Variants in SCHIP1 observed in about 807,000 individuals in gnomAD.
SCHIP1 encodes the protein schwannomin interacting protein 1.
Under a neutral mutation model 29.7 loss-of-function variants are expected in SCHIP1, and 8 were observed. The ratio of observed to expected loss-of-function variants is 0.27; its 90% confidence interval spans 0.16 to 0.49. The LOEUF (loss-of-function observed/expected upper bound fraction) is 0.49. Ranked by LOEUF, SCHIP1 falls within the 20% of genes least tolerant of loss-of-function variation. The pLI is 0.99. For synonymous variants in SCHIP1, 76 were observed against 94.9 expected (o/e 0.80, Z 1.16); for missense variants, 193 against 294.6 (o/e 0.66, Z 2.52).
At chr3:159,297,779 A>G in the SCHIP1 span, among the ~76,000 whole-genome samples, 2 of 152,188 alleles carry the variant, frequency 1.3e-5, no homozygotes, top group African/African-American at 4.8e-5. Context: ...CCCTGTACCT[A>G]GAATGATCTT....
the SCHIP1 span, among the ~76,000 whole-genome samples, chr3:159,543,295 G>C: frequency 6.7e-6 from 1 of 149,078 alleles, no homozygotes; most frequent in Non-Finnish European, 1.5e-5. Flanking sequence ...TGCCATGCTG[G>C]TGTGCTGCAC....
the SCHIP1 span, among the ~76,000 whole-genome samples, chr3:159,468,081 T>C: frequency 1.3e-5 from 2 of 152,160 alleles, no homozygotes; most frequent in African/African-American, 2.4e-5. Flanking sequence ...GAAAATTTGG[T>C]TTATTTGTCA....
the SCHIP1 span, among the ~76,000 whole-genome samples, chr3:159,401,685 A>G: frequency 0.016 from 2,480 of 152,310 alleles, 57 homozygotes; most frequent in African/African-American, 0.056. Flanking sequence ...TTATAGAAAC[A>G]TCTCCCCATT....
chr3:159,599,309 T>A, the SCHIP1 span, among the ~76,000 whole-genome samples: 1 of 152,224 alleles, frequency 6.6e-6, no homozygotes, highest in Non-Finnish European at 1.5e-5. Context: ...TTTGGTTACA[T>A]GAATAAGTTC....
At chr3:159,468,512 A>G in the SCHIP1 span, among the ~76,000 whole-genome samples, 1 of 151,858 alleles carries the variant, frequency 6.6e-6, no homozygotes, top group Non-Finnish European at 1.5e-5. Context: ...TATTTGTGTC[A>G]CTAGTTAGAT....
At chr3:159,508,443 G>C in the SCHIP1 span, among the ~76,000 whole-genome samples, 1 of 152,222 alleles carries the variant, frequency 6.6e-6, no homozygotes, top group East Asian at 1.9e-4. Flanking sequence ...ATTTTTTGAA[G>C]GGTTTTTTGG....
the SCHIP1 span, among the ~76,000 whole-genome samples, chr3:159,733,110 G>A: frequency 1.3e-5 from 2 of 152,116 alleles, no homozygotes; most frequent in Non-Finnish European, 2.9e-5. Flanking sequence ...GATTTTCTGT[G>A]TCATCCACAG....
chr3:159,344,494 A>G, the SCHIP1 span, among the ~76,000 whole-genome samples: 1 of 152,202 alleles, frequency 6.6e-6, no homozygotes, highest in Admixed American at 6.5e-5. Context: ...AACATGATGA[A>G]CAAAGTGGCA....
the SCHIP1 span, among the ~76,000 whole-genome samples, chr3:159,277,446 T>G: frequency 6.6e-6 from 1 of 152,070 alleles, no homozygotes; most frequent in African/African-American, 2.4e-5. Context: ...GACTTTAGTA[T>G]GGCTTGGAAG....
chr3:159,685,232 G>T, the SCHIP1 span, among the ~76,000 whole-genome samples: 1 of 152,124 alleles, frequency 6.6e-6, no homozygotes, highest in Non-Finnish European at 1.5e-5. Flanking sequence ...ACAATAGGAA[G>T]TTGTTCTCCT....
At chr3:159,505,860 C>G in the SCHIP1 span, among the ~76,000 whole-genome samples, 1 of 152,162 alleles carries the variant, frequency 6.6e-6, no homozygotes, top group Non-Finnish European at 1.5e-5. Context: ...TTTTCTTAAT[C>G]CAGTCTATCA....
At chr3:159,430,297 C>T in the SCHIP1 span, among the ~76,000 whole-genome samples, 4 of 152,038 alleles carry the variant, frequency 2.6e-5, no homozygotes, top group Admixed American at 6.6e-5. Flanking sequence ...AAAGCCTAGG[C>T]ATGTGGAAAA....
the SCHIP1 span, among the ~76,000 whole-genome samples, chr3:159,480,304 A>T: frequency 6.6e-6 from 1 of 152,134 alleles, no homozygotes; most frequent in Non-Finnish European, 1.5e-5. Flanking sequence ...CACTATTCTC[A>T]CAAGTTTTTA....
At chr3:159,618,736 GA>G in the SCHIP1 span, among the ~76,000 whole-genome samples, 8,985 of 152,310 alleles carry the variant, frequency 0.059, 903 homozygotes, top group African/African-American at 0.2. Context: ...TAGAGTTGGG[GA>G]AACTGTGGCC....
the SCHIP1 span, among the ~76,000 whole-genome samples, chr3:159,568,004 A>T: frequency 1.3e-5 from 2 of 152,062 alleles, no homozygotes; most frequent in Non-Finnish European, 2.9e-5. Flanking sequence ...TTTACCATAC[A>T]CTTCATGTAC....
At chr3:159,458,540 C>G in the SCHIP1 span, among the ~76,000 whole-genome samples, 1 of 151,476 alleles carries the variant, frequency 6.6e-6, no homozygotes, top group African/African-American at 2.4e-5. Context: ...TTAGTTCAGC[C>G]TCACAACAGA....
At chr3:159,635,065 C>CA in the SCHIP1 span, among the ~76,000 whole-genome samples, 2 of 152,128 alleles carry the variant, frequency 1.3e-5, no homozygotes, top group South Asian at 4.1e-4. Flanking sequence ...AGATATTCTG[C>CA]AAATCTAGGC....
chr3:159,836,889 C>A (rs1276314035), upstream of SCHIP1, among the ~76,000 whole-genome samples: 1 of 152,202 alleles, frequency 6.6e-6, no homozygotes, highest in East Asian at 1.9e-4. Flanking sequence ...ACTAGCAAAT[C>A]ATACTTCAAA....
At chr3:159,879,166 C>G (rs1230262737) in intron 2 of SCHIP1, among the ~76,000 whole-genome samples, 1 of 151,780 alleles carries the variant, frequency 6.6e-6, no homozygotes, top group Non-Finnish European at 1.5e-5. Context: ...GCAGAATAGC[C>G]CATCATATAT....
Sources: gnomAD v4.1 joint callset for allele counts (sites outside exome capture counted in the v4.1 genomes callset) on GRCh38, gnomAD v4.1.1 for gene constraint, MANE v1.5 for transcripts, NCBI Gene and HGNC (gene_info 2026-07-23, HGNC 2026-07-21) for gene names.